The following SNTG1 variants were observed in gnomAD, a reference collection of about 807,000 sequenced individuals.
SNTG1 encodes the protein syntrophin gamma 1, also known as gamma-1-syntrophin.
A neutral mutation model predicts 74.7 loss-of-function variants in SNTG1; 39 were observed. That is an observed-to-expected ratio of 0.52 (90% CI 0.40 to 0.68). SNTG1 has a LOEUF of 0.68. Among genes scored for constraint, SNTG1 ranks in the 30% least tolerant of loss-of-function variants. The pLI is 0.00. For missense variants in SNTG1, 685 were observed against 609.5 expected (o/e 1.12, Z -1.30); for synonymous variants, 254 against 217.1 (o/e 1.17, Z -1.49).
At chr8:50,287,404 C>G (rs528743175) in intron 2 of SNTG1, among the ~76,000 whole-genome samples, 19 of 152,080 alleles carry the variant, frequency 1.2e-4, no homozygotes, top group Non-Finnish European at 2.4e-4. Flanking sequence ...GCCATCTGGC[C>G]CTTGATTCCT....
chr8:50,795,293 T>A lies in SNTG1; in HGVS notation c.*2464T>A, dbSNP rs1258061595. ...AAAAAGTAACAAAATACTATTCTCG[T>A]TTTCATCAGTTTAACAATTAGTATT... is the stretch of plus-strand genomic sequence containing the variant. On this transcript the variant is annotated 3_prime_UTR_variant, in exon 19 of 19. Coordinates refer to ENST00000642720, the MANE Select transcript of SNTG1 (RefSeq NM_018967.5). The A allele has an allele frequency of 1.3e-5, 2 of 152,052 alleles. No individual in the cohort carries two copies. Among genetic ancestry groups the A allele is most frequent in the African/African-American group, 2.4e-5 (1 of 41,428 alleles). The allele number at this position is 152,052 out of a possible 1,614,324, so 9.4% of individuals were successfully genotyped here.
chr8:50,715,518 T>A (rs2095472957), intron 17 of SNTG1, among the ~76,000 whole-genome samples: 1 of 152,176 alleles, frequency 6.6e-6, no homozygotes, highest in Non-Finnish European at 1.5e-5. Context: ...GGTTAACAGA[T>A]CTATGAAGAT....
intron 15 of SNTG1, among the ~76,000 whole-genome samples, chr8:50,679,366 T>A (rs969383105): frequency 2.6e-5 from 4 of 152,128 alleles, no homozygotes; most frequent in East Asian, 1.9e-4. Context: ...CTGGCCCAAT[T>A]AATATCAACA....
chr8:50,378,095 C>A (rs2092420275), intron 2 of SNTG1, among the ~76,000 whole-genome samples: 1 of 152,198 alleles, frequency 6.6e-6, no homozygotes, highest in Admixed American at 6.5e-5. Context: ...CCTGCCAGGG[C>A]AAGTCATGCA....
At chr8:50,336,118 C>T (rs1215118562) in intron 2 of SNTG1, among the ~76,000 whole-genome samples, 1 of 152,140 alleles carries the variant, frequency 6.6e-6, no homozygotes, top group African/African-American at 2.4e-5. Flanking sequence ...ATTTTATCCA[C>T]ATTCCATTGG....
intron 18 of SNTG1, among the ~76,000 whole-genome samples, chr8:50,754,868 C>T (rs535263226): frequency 4.0e-4 from 61 of 151,952 alleles, no homozygotes; most frequent in Admixed American, 1.3e-3. Flanking sequence ...CTATTTTCAT[C>T]GGTTCAATAT....
In SNTG1 at chr8:49,942,800, C is replaced by T. The variant is rs190366168; in HGVS notation, c.-103+30569C>T. Reference sequence around the variant, plus strand: ...ATTTCATTGCATCCTGTCAACACAACGTATCACCGTTGATGTGGACTTCAG... The same window carrying T: ...ATTTCATTGCATCCTGTCAACACAATGTATCACCGTTGATGTGGACTTCAG... On this transcript the variant is annotated intron_variant, in intron 1 of 18. Coordinates refer to ENST00000642720, the MANE Select transcript of SNTG1 (RefSeq NM_018967.5). 3.3e-5 allele frequency among the ~76,000 whole-genome samples: 5 copies of T among 152,290 alleles called. No homozygotes were observed. In the East Asian group the frequency reaches 7.7e-4, roughly 24 times the overall value.
chr8:50,721,691 A>C (rs1027562047), intron 17 of SNTG1, among the ~76,000 whole-genome samples: 1 of 152,190 alleles, frequency 6.6e-6, no homozygotes, highest in African/African-American at 2.4e-5. Flanking sequence ...GTGGAAAATG[A>C]CAGACTTAGT....
chr8:50,046,740 T>A (rs10085950), intron 1 of SNTG1, among the ~76,000 whole-genome samples: 5,877 of 152,256 alleles, frequency 0.039, 399 homozygotes, highest in African/African-American at 0.13. Context: ...GATTTTCCTC[T>A]GCCACAAATG....
intron 1 of SNTG1, among the ~76,000 whole-genome samples, chr8:50,065,595 T>G (rs1452209253): frequency 6.6e-6 from 1 of 152,178 alleles, no homozygotes; most frequent in East Asian, 1.9e-4. Context: ...AAAATTCTTA[T>G]TAAACAACTT....
At chr8:50,298,651 A>G (rs887193120) in intron 2 of SNTG1, among the ~76,000 whole-genome samples, 1 of 152,176 alleles carries the variant, frequency 6.6e-6, no homozygotes, top group African/African-American at 2.4e-5. Context: ...AATATTAAAA[A>G]CCTAACAAGC....
At chr8:50,662,874 A>G (rs1395863388) in intron 15 of SNTG1, among the ~76,000 whole-genome samples, 1 of 152,178 alleles carries the variant, frequency 6.6e-6, no homozygotes, top group Admixed American at 6.6e-5. Context: ...TTGTGAATGC[A>G]TTTTTGTCTG....
At chr8:50,342,816 C>A (rs1181028287) in intron 2 of SNTG1, among the ~76,000 whole-genome samples, 1 of 152,088 alleles carries the variant, frequency 6.6e-6, no homozygotes, top group Non-Finnish European at 1.5e-5. Context: ...TGAGTCTGGG[C>A]ATTTAGAAGT....
At chr8:50,369,058 A>G (rs898910493) in intron 2 of SNTG1, among the ~76,000 whole-genome samples, 2 of 152,162 alleles carry the variant, frequency 1.3e-5, no homozygotes, top group African/African-American at 2.4e-5. Context: ...TAATGCTGGA[A>G]TAAGTTAAGA....
chr8:50,236,642 G>C (rs925766028), intron 2 of SNTG1, among the ~76,000 whole-genome samples: 8 of 151,852 alleles, frequency 5.3e-5, no homozygotes, highest in African/African-American at 1.7e-4. Context: ...AGTAGAGACG[G>C]GGTTTCACCG....
In SNTG1 at chr8:50,389,462, G is replaced by A. The variant is rs1026125891; in HGVS notation, c.-27-4750G>A. On this transcript the variant is annotated intron_variant, in intron 2 of 18. Transcript: ENST00000642720. ...CAGCCAACAGGCCCTGGTGTGTGAC[G>A]TTCCCCTTCCTGTGTCCAAGTGTTC... 3.3e-5 allele frequency among the ~76,000 whole-genome samples: 5 copies of A among 152,132 alleles called. No individual in the cohort carries two copies. The East Asian group carries it at 5.8e-4, about 18-fold the overall frequency.
Position 49,936,975 on chromosome 8 carries a change from C to A in SNTG1, c.-103+24744C>A, listed in dbSNP as rs187445655. ...ACCAGCCTGGTCAACATGGTAAAAC[C>A]CCGTCTGTAGTAAAAATACAAAAAT... On this transcript the variant is annotated intron_variant, in intron 1 of 18. Transcript: ENST00000642720. 3.3e-5 allele frequency among the ~76,000 whole-genome samples: 5 copies of A among 152,196 alleles called. No homozygotes were observed. The East Asian group carries it at 9.7e-4, about 29-fold the overall frequency.
chr8:50,777,610 CTA>C (rs1199170360), intron 18 of SNTG1, among the ~76,000 whole-genome samples: 1 of 151,144 alleles, frequency 6.6e-6, no homozygotes, highest in Non-Finnish European at 1.5e-5. Flanking sequence ...ATTCTAAAAT[CTA>C]TGTCATCTCA....
At chr8:50,024,727 A>T (rs922700848) in intron 1 of SNTG1, among the ~76,000 whole-genome samples, 7 of 152,162 alleles carry the variant, frequency 4.6e-5, no homozygotes, top group African/African-American at 1.7e-4. Flanking sequence ...AAAGTTAGTG[A>T]ACGTTGTCTC....
Sources: gnomAD v4.1 joint callset for allele counts (sites outside exome capture counted in the v4.1 genomes callset) on GRCh38, gnomAD v4.1.1 for gene constraint, MANE v1.5 for transcripts, NCBI Gene and HGNC (gene_info 2026-07-23, HGNC 2026-07-21) for gene names.